The following STS variants were observed in gnomAD, a reference collection of about 807,000 sequenced individuals.
STS encodes steroid sulfatase.
A neutral mutation model predicts 26.8 loss-of-function variants in STS; 7 were observed. That is an observed-to-expected ratio of 0.26 (90% CI 0.15 to 0.49). The LOEUF (loss-of-function observed/expected upper bound fraction) is 0.49. STS is among the 20% of genes least tolerant of loss of function. The pLI, the probability that STS is intolerant of heterozygous loss-of-function variation, is 0.98. For synonymous variants in STS, 199 were observed against 189.4 expected (o/e 1.05, Z -0.42); for missense variants, 434 against 465.6 (o/e 0.93, Z 0.63).
At position 7,259,254 on chromosome X, in the gene STS, A is replaced by G. The variant is rs182709949; in HGVS notation, c.383-95A>G. ...GGAAGGCTAGCTTCATGAAATAGTC[A>G]GAAAGAACCTCCTTTTCAGCATGTA... On this transcript the variant is annotated intron_variant, in intron 5 of 10. Coordinates refer to ENST00000674429, the MANE Select transcript of STS (RefSeq NM_001320752.2). 529 of 936,640 alleles carry G rather than the reference A, an allele frequency of 5.6e-4. 1 individual carries two copies. In the African/African-American group the frequency reaches 8.4e-3, roughly 15 times the overall value. 77.2% of individuals were successfully genotyped at this position (936,640 alleles called of 1,213,427 possible). A position where few individuals can be genotyped will look rare whatever the true frequency, so the allele number is the denominator to read the frequency against.
intron 6 of STS, among the ~76,000 whole-genome samples, chrX:7,270,600 GATGCACAGAGT>G (rs1924222440): frequency 8.9e-6 from 1 of 111,823 alleles, no homozygotes. Context: ...AACTCTACTC[GATGCACAGAGT>G]ATACATAAAG....
Position 7,325,394 on chromosome X carries a change from G to C in STS, c.1137G>C (p.Trp379Cys), listed in dbSNP as rs371806193. ...GGIRVPGILR[W>C]PRVIQAGQKI... ...TCCGGGTTCCAGGCATCCTTCGTTG[G>C]CCCAGGGTGATACAGGCTGGCCAGA... is the stretch of plus-strand genomic sequence containing the variant. The change falls in exon 9 of 11, where the codon TGG becomes TGC. Residue 379 changes from tryptophan (W) to cysteine (C), a missense_variant. By Grantham distance (215) the Trp-to-Cys change is radical. Coordinates refer to ENST00000674429, the MANE Select transcript of STS (RefSeq NM_001320752.2). 3.3e-6 allele frequency: 4 copies of C among 1,209,240 alleles called. No individual in the cohort carries two copies. In the African/African-American group the frequency reaches 5.3e-5, roughly 16 times the overall value.
At chrX:7,184,504 G>T (rs1354841645) in intron 1 of STS, among the ~76,000 whole-genome samples, 1 of 112,187 alleles carries the variant, frequency 8.9e-6, no homozygotes. Flanking sequence ...GATTTGGTCT[G>T]ATAATTCCAG....
At chrX:7,186,235 T>C (rs766821197) in intron 1 of STS, among the ~76,000 whole-genome samples, 1 of 112,449 alleles carries the variant, frequency 8.9e-6, no homozygotes, top group African/African-American at 3.2e-5. Context: ...ATGTTCTAGA[T>C]TAAACATTCC....
intron 1 of STS, among the ~76,000 whole-genome samples, chrX:7,159,578 G>C (rs1305828774): frequency 3.6e-5 from 4 of 112,059 alleles, no homozygotes; most frequent in African/African-American, 9.7e-5. Context: ...CCCTTTCCTT[G>C]CTGCGCACCA....
Position 7,210,636 on chromosome X carries a change from A to G in STS, c.-5+19628A>G, listed in dbSNP as rs1921003502. ...ATATTAAATGTATAATTATAAATAA[A>G]TCAATGTATATATAAATGTATATTT... On this transcript the variant is annotated intron_variant, in intron 2 of 10. Coordinates refer to ENST00000674429, the MANE Select transcript of STS (RefSeq NM_001320752.2). Among the ~76,000 whole-genome samples the G allele has an allele frequency of 2.8e-5, 3 of 107,561 alleles. No individual in the cohort carries two copies. The South Asian group carries it at 1.1e-3, about 40-fold the overall frequency. 93.4% of individuals were successfully genotyped at this position (107,561 alleles called of 115,157 possible).
intron 1 of STS, among the ~76,000 whole-genome samples, chrX:7,153,902 C>CTCTGCTTCCTTCCCTTCCTT (rs1262203510): frequency 7.4e-5 from 8 of 108,377 alleles, no homozygotes; most frequent in African/African-American, 2.7e-4. Flanking sequence ...CTCCCTCCCT[C>CTCTGCTTCCTTCCCTTCCTT]TCTGCTTCCT....
intron 7 of STS, among the ~76,000 whole-genome samples, chrX:7,300,466 T>G (rs1387764844): frequency 8.9e-6 from 1 of 112,046 alleles, no homozygotes; most frequent in Non-Finnish European, 1.9e-5. Flanking sequence ...CATGGGAGAT[T>G]TCTGTTCACA....
At chrX:7,209,853 C>T (rs1016529095) in intron 2 of STS, among the ~76,000 whole-genome samples, 8 of 110,465 alleles carry the variant, frequency 7.2e-5, no homozygotes, top group Non-Finnish European at 1.5e-4. Context: ...TCAACTCCCA[C>T]TTATGAGTGA....
chrX:7,180,255 A>G (rs753763534), intron 1 of STS, among the ~76,000 whole-genome samples: 1 of 111,872 alleles, frequency 8.9e-6, no homozygotes, highest in East Asian at 2.8e-4. Context: ...TTTTCCTGCA[A>G]CTAGACGATC....
At position 7,155,683 on chromosome X, in the gene STS, AAGTT is replaced by A. The variant is rs1933117764; in HGVS notation, c.-134+7602_-134+7605del. 2.7e-5 allele frequency among the ~76,000 whole-genome samples: 3 copies of A among 112,145 alleles called. No homozygotes were observed. In the Admixed American group the frequency reaches 2.8e-4, roughly 11 times the overall value. ...ACAATGCAACTGCATGGCTTTAAGA[AAGTT>A]AAGAAGAAAGGTGATTACAGTAGGT... On this transcript the variant is annotated intron_variant, in intron 1 of 10. Coordinates refer to ENST00000674429, the MANE Select transcript of STS (RefSeq NM_001320752.2).
intron 8 of STS, among the ~76,000 whole-genome samples, chrX:7,315,308 A>T (rs1221145305): frequency 8.9e-6 from 1 of 112,011 alleles, no homozygotes; most frequent in Non-Finnish European, 1.9e-5. Context: ...AACTTGAAAA[A>T]TACTGTGGAA....
intron 10 of STS, among the ~76,000 whole-genome samples, chrX:7,338,259 T>C (rs1928120118): frequency 8.9e-6 from 1 of 111,838 alleles, no homozygotes; most frequent in South Asian, 3.7e-4. Flanking sequence ...GAATTGATCT[T>C]AGAGGGTAGG....
chrX:7,201,064 G>C (rs991961193), intron 2 of STS, among the ~76,000 whole-genome samples: 6 of 111,158 alleles, frequency 5.4e-5, no homozygotes, highest in Admixed American at 1.9e-4. Context: ...GATGATGGAT[G>C]CATGGATAGG....
intron 6 of STS, among the ~76,000 whole-genome samples, chrX:7,267,112 TG>T (rs1924042627): frequency 8.9e-6 from 1 of 111,969 alleles, no homozygotes; most frequent in Admixed American, 9.5e-5. Context: ...CATAAACAGT[TG>T]GGGGAATCTT....
At chrX:7,219,362 C>T (rs1921445041) in intron 2 of STS, 1 of 983,457 alleles carries the variant, frequency 1.0e-6, no homozygotes, top group Non-Finnish European at 1.3e-6. Flanking sequence ...GTTGCCCCTT[C>T]TGAAGAATCC....
intron 7 of STS, among the ~76,000 whole-genome samples, chrX:7,280,868 G>A (rs1383680971): frequency 1.8e-5 from 2 of 112,855 alleles, no homozygotes; most frequent in African/African-American, 6.4e-5. Flanking sequence ...GAAGGTGAAT[G>A]CTAAAACAAA....
At chrX:7,176,919 G>A (rs1271272031) in intron 1 of STS, among the ~76,000 whole-genome samples, 2 of 111,752 alleles carry the variant, frequency 1.8e-5, no homozygotes, top group East Asian at 5.6e-4. Context: ...TTAGATTATT[G>A]TATTTGGCTT....
chrX:7,237,596 G>A (rs1481833442), intron 2 of STS, among the ~76,000 whole-genome samples: 1 of 112,315 alleles, frequency 8.9e-6, no homozygotes, highest in Non-Finnish European at 1.9e-5. Flanking sequence ...CAACTTGACT[G>A]AGCTAAGGAA....
Sources: gnomAD v4.1 joint callset for allele counts (sites outside exome capture counted in the v4.1 genomes callset) on GRCh38, gnomAD v4.1.1 for gene constraint, MANE v1.5 for transcripts, NCBI Gene and HGNC (gene_info 2026-07-23, HGNC 2026-07-21) for gene names.